The following APPL1 variants were observed in gnomAD, a reference collection of about 807,000 sequenced individuals.
APPL1 encodes the protein DCC-interacting protein 13-alpha.
Under a neutral mutation model 106.8 loss-of-function variants are expected in APPL1, and 42 were observed. The ratio of observed to expected loss-of-function variants is 0.39; its 90% confidence interval spans 0.31 to 0.51. The LOEUF (loss-of-function observed/expected upper bound fraction) is 0.51, where lower values mean the gene tolerates loss of function less well. Among genes scored for constraint, APPL1 ranks in the 20% least tolerant of loss-of-function variants. The probability of loss-of-function intolerance (pLI) is 0.75; values close to 1 mark genes in which losing one functional copy is unlikely to be tolerated. For synonymous variants in APPL1, 263 were observed against 281.8 expected (o/e 0.93, Z 0.67); for missense variants, 769 against 858.2 (o/e 0.90, Z 1.30).
At chr3:57,245,396 A>G (rs980635017) in intron 7 of APPL1, among the ~76,000 whole-genome samples, 1 of 152,206 alleles carries the variant, frequency 6.6e-6, no homozygotes, top group Non-Finnish European at 1.5e-5. Context: ...GGAGAATGGT[A>G]TGCTGTGAAC....
At chr3:57,240,026 C>T (rs530996729) in intron 4 of APPL1, among the ~76,000 whole-genome samples, 3 of 151,408 alleles carry the variant, frequency 2.0e-5, no homozygotes, top group Admixed American at 6.6e-5. Flanking sequence ...ATCCTTTGCC[C>T]GTTTTTAAAT....
At chr3:57,267,937 C>G (rs541104035) in intron 20 of APPL1, 145 bp downstream of exon 20, 3 of 810,330 alleles carry the variant, frequency 3.7e-6, no homozygotes, top group African/African-American at 3.4e-5. Context: ...ACTAAAAATA[C>G]AAAAATTAGT....
At chr3:57,257,522 T>C in intron 15 of APPL1, 94 bp downstream of exon 15, 1 of 1,103,764 alleles carries the variant, frequency 9.1e-7, no homozygotes, top group South Asian at 2.2e-5. Flanking sequence ...TTATAATGTA[T>C]ATCAGCTATG....
At position 57,269,593 on chromosome 3, in the gene APPL1, C is replaced by T; in HGVS notation, c.2036C>T (p.Ala679Val). The change falls in exon 22 of 22, where the codon GCC becomes GTC. Residue 679 changes from alanine to valine, a missense_variant. Ala to Val is a moderately conservative substitution (Grantham distance 64, BLOSUM62 0). Transcript: ENST00000288266. ...GCTGCTTCCAGTAGACCAAACCAAG[C>T]CAGTAGTGAGGGGCAGTTTGTTGTC... The part of the protein sequence containing the change: ...LIAASSRPNQ[A>V]SSEGQFVVLS... The T allele has an allele frequency of 6.2e-7, 1 of 1,613,984 alleles. No homozygotes were observed. The highest frequency in any genetic ancestry group is 8.5e-7 in the Non-Finnish European group (1 of 1,179,984).
chr3:57,269,006 G>A (rs1235949232), intron 21 of APPL1: 1 of 152,924 alleles, frequency 6.5e-6, no homozygotes, highest in East Asian at 1.9e-4. Context: ...ATTGACAGTA[G>A]GAATAGAAAA....
intron 5 of APPL1, 31 bp downstream of exon 5, chr3:57,240,583 T>A (rs755899085): frequency 6.4e-7 from 1 of 1,569,082 alleles, no homozygotes. Context: ...TTTACTTTCA[T>A]TGGCTGTGAG....
chr3:57,253,936 C>G lies in APPL1; in HGVS notation c.1152+198C>G, dbSNP rs189635276. On this transcript the variant is annotated intron_variant, in intron 13 of 21. Coordinates refer to ENST00000288266, the MANE Select transcript of APPL1 (RefSeq NM_012096.3). ...GGAGTGCTGTGGCCTGATCTTTGTT[C>G]ACTACAACCTCCACCTCCCAGGTTC... Among the ~76,000 whole-genome samples, 371 of 140,784 alleles carry G rather than the reference C, an allele frequency of 2.6e-3. 3 individuals carry two copies. Among genetic ancestry groups the G allele is most frequent in the African/African-American group, 9.4e-3 (358 of 37,988 alleles). 92.4% of individuals were successfully genotyped at this position (140,784 alleles called of 152,430 possible).
chr3:57,231,949 G>T (rs1331353282), intron 1 of APPL1, among the ~76,000 whole-genome samples: 1 of 152,028 alleles, frequency 6.6e-6, no homozygotes, highest in Non-Finnish European at 1.5e-5. Flanking sequence ...GATCAAACAA[G>T]CATCTTTTAA....
At position 57,259,854 on chromosome 3, in the gene APPL1, TTCA is replaced by T; in HGVS notation, c.1497_1499del (p.His499del). 1 of 1,593,814 alleles carries T rather than the reference TTCA, an allele frequency of 6.3e-7. No individual in the cohort carries two copies. Among genetic ancestry groups the T allele is most frequent in the Non-Finnish European group, 8.5e-7 (1 of 1,173,104 alleles). Reference sequence around the variant, plus strand: ...CCTTGTTCTATTATAGATTCTATTCTTCATCAGTTATTTATTGTCCGATTCCTT... The same window carrying T: ...CCTTGTTCTATTATAGATTCTATTCTTCAGTTATTTATTGTCCGATTCCTT... On this transcript the variant is annotated inframe_deletion, in exon 17 of 22. Coordinates refer to ENST00000288266, the MANE Select transcript of APPL1 (RefSeq NM_012096.3).
chr3:57,245,675 T>A (rs2060769864), intron 7 of APPL1, among the ~76,000 whole-genome samples: 1 of 152,028 alleles, frequency 6.6e-6, no homozygotes, highest in Admixed American at 6.6e-5. Flanking sequence ...CCCCAGTAGC[T>A]GGAATTATAG....
In APPL1 at chr3:57,273,386, T is replaced by A. The variant is rs2060960450; in HGVS notation, c.*3699T>A. The A allele has an allele frequency of 6.6e-6, 1 of 152,668 alleles. No homozygotes were observed. Among genetic ancestry groups the A allele is most frequent in the Non-Finnish European group, 1.5e-5 (1 of 68,034 alleles). 9.5% of individuals were successfully genotyped at this position (152,668 alleles called of 1,614,324 possible). A position where few individuals can be genotyped will look rare whatever the true frequency, so the allele number is the denominator to read the frequency against. ...TCATTTTGTCACAATAGGTATATAC[T>A]GACAAGGCTTCAGGAAAAAAGTTGT... is the stretch of plus-strand genomic sequence containing the variant. On this transcript the variant is annotated 3_prime_UTR_variant, in exon 22 of 22. Transcript: ENST00000288266.
At chr3:57,262,624 G>A (rs1035030548) in intron 19 of APPL1, among the ~76,000 whole-genome samples, 15 of 151,438 alleles carry the variant, frequency 9.9e-5, no homozygotes, top group African/African-American at 3.4e-4. Context: ...GACCTCAAGT[G>A]ATCCACCTGC....
At chr3:57,247,517 T>A in intron 9 of APPL1, 40 bp downstream of exon 9, 1 of 1,268,466 alleles carries the variant, frequency 7.9e-7, no homozygotes, top group Non-Finnish European at 1.1e-6. Flanking sequence ...TGAAATGATG[T>A]GAATGATAAC....
intron 8 of APPL1, 67 bp downstream of exon 8, chr3:57,246,289 T>C (rs1386492454): frequency 8.1e-7 from 1 of 1,237,614 alleles, no homozygotes; most frequent in African/African-American, 1.6e-5. Flanking sequence ...GATATTTACA[T>C]TAAGTATAAG....
At chr3:57,256,763 G>T (rs549042778) in intron 13 of APPL1, among the ~76,000 whole-genome samples, 194 bp from the exon 14 acceptor site, 62 of 152,148 alleles carry the variant, frequency 4.1e-4, no homozygotes, top group Non-Finnish European at 6.9e-4. Context: ...AGATTTTTTT[G>T]CTAGATTATA....
intron 1 of APPL1, among the ~76,000 whole-genome samples, chr3:57,229,950 G>C (rs905969179): frequency 1.3e-5 from 2 of 152,114 alleles, no homozygotes; most frequent in Admixed American, 6.6e-5. Context: ...CTGACCTCAG[G>C]TGATCTGCCC....
rs1188274678 is a variant in APPL1 at position 57,242,851 on chromosome 3, T to C, written c.416-5T>C. 6.2e-7 allele frequency: 1 copy of C among 1,609,006 alleles called. No individual in the cohort carries two copies. Among genetic ancestry groups the C allele is most frequent in the Non-Finnish European group, 8.5e-7 (1 of 1,175,906 alleles). On this transcript the variant is annotated splice_polypyrimidine_tract_variant and splice_region_variant and intron_variant, in intron 6 of 21. Coordinates refer to ENST00000288266, the MANE Select transcript of APPL1 (RefSeq NM_012096.3). ...GTATTGTTAACACTCATTTCTTTTT[T>C]CCAGATCATGATGCTGCGATTAATA...
rs75958913 is a variant in APPL1, at chr3:57,263,769, T to G, written c.1842+2995T>G. ...TTCTTTATCCATTCATCTGTTGTTTTTTTTTTTTTTCCATTCATCTGTTGA... is the reference window on the plus strand; with the variant it reads ...TTCTTTATCCATTCATCTGTTGTTTGTTTTTTTTTTCCATTCATCTGTTGA... On this transcript the variant is annotated intron_variant, in intron 19 of 21. Coordinates refer to ENST00000288266, the MANE Select transcript of APPL1 (RefSeq NM_012096.3). 2.8e-3 allele frequency among the ~76,000 whole-genome samples: 431 copies of G among 151,968 alleles called. 2 individuals are homozygous for G. The highest frequency in any genetic ancestry group is 9.9e-3 in the African/African-American group (411 of 41,478).
intron 12 of APPL1, 83 bp downstream of exon 12, chr3:57,252,394 T>C: frequency 2.8e-6 from 3 of 1,053,932 alleles, no homozygotes; most frequent in South Asian, 3.3e-5. Flanking sequence ...GTGTTCATTG[T>C]AGAAATTTTG....
Sources: allele counts gnomAD v4.1 joint callset (sites outside exome capture counted in the v4.1 genomes callset), GRCh38; gene constraint gnomAD v4.1.1; transcripts MANE v1.5; gene names NCBI Gene and HGNC (gene_info 2026-07-23, HGNC 2026-07-21).